NIPBL: variants seen among roughly 807,000 people sequenced by gnomAD.
NIPBL encodes the protein nipped-B-like protein.
NIPBL carries 19 observed loss-of-function variants against 321.8 expected under a neutral mutation model. That is an observed-to-expected ratio of 0.06 (90% confidence interval 0.04 to 0.09). The LOEUF is 0.09. NIPBL is among the 10% of genes least tolerant of loss of function. The probability of loss-of-function intolerance (pLI) is 1.00; values close to 1 mark genes in which losing one functional copy is unlikely to be tolerated. For synonymous variants in NIPBL, 1,106 were observed against 1,114.1 expected (o/e 0.99, Z 0.14); for missense variants, 2,210 against 3,327.0 (o/e 0.66, Z 8.26).
chr5:36,904,792 C>T (rs1747501125), intron 1 of NIPBL, among the ~76,000 whole-genome samples: 1 of 152,146 alleles, frequency 6.6e-6, no homozygotes. Context: ...CACCTTAAAG[C>T]AGCTCACAAC....
At chr5:36,983,840 A>T (rs534252201) in intron 9 of NIPBL, among the ~76,000 whole-genome samples, 1 of 152,144 alleles carries the variant, frequency 6.6e-6, no homozygotes, top group African/African-American at 2.4e-5. Flanking sequence ...ATTTCATAAT[A>T]CTGTAAATTA....
At position 37,064,910 on chromosome 5, in the gene NIPBL, C is replaced by T; in HGVS notation, c.*18C>T. The T allele has an allele frequency of 6.2e-7, 1 of 1,613,588 alleles. No individual in the cohort carries two copies. Among genetic ancestry groups the T allele is most frequent in the Non-Finnish European group, 8.5e-7 (1 of 1,179,830 alleles). ...CCAGCTAATGAATTTGTACATGCAG[C>T]CAAATTTACAGGAATTTTTTTAAAA... On this transcript the variant is annotated 3_prime_UTR_variant, in exon 47 of 47. Transcript: ENST00000282516.
chr5:36,935,107 G>A (rs1434199900), intron 1 of NIPBL, among the ~76,000 whole-genome samples: 1 of 151,978 alleles, frequency 6.6e-6, no homozygotes, highest in Non-Finnish European at 1.5e-5. Context: ...CACAGCTTTG[G>A]TTAAATCTCA....
intron 21 of NIPBL, among the ~76,000 whole-genome samples, chr5:37,014,285 G>C (rs1156254977): frequency 6.6e-6 from 1 of 150,924 alleles, no homozygotes; most frequent in East Asian, 1.9e-4. Context: ...TTAAATTTCT[G>C]ATGAAGGCTT....
chr5:37,057,882 C>G (rs1754271224), intron 43 of NIPBL, among the ~76,000 whole-genome samples: 2 of 152,136 alleles, frequency 1.3e-5, no homozygotes, highest in African/African-American at 4.8e-5. Context: ...TATAAAAGTA[C>G]CTGGTGTAGC....
chr5:36,876,823 T>TGCGGGGGGGGGGGG lies in NIPBL; in HGVS notation c.-435_-434insGCGGGGGGGGGGGG. On this transcript the variant is annotated 5_prime_UTR_variant, in exon 1 of 47. Coordinates refer to ENST00000282516, the MANE Select transcript of NIPBL (RefSeq NM_133433.4). ...AGAGAGAGACACACACAGGGCTCCT[T>TGCGGGGGGGGGGGG]CCCCCCGCCCTCCCCCCCCTCCCTC... 2.8e-6 allele frequency: 1 copy of TGCGGGGGGGGGGGG among 352,496 alleles called. No homozygotes were observed. 21.8% of individuals were successfully genotyped at this position (352,496 alleles called of 1,614,324 possible).
rs300059 is a variant in NIPBL, at chr5:37,052,719, A to T, written c.7263+153A>T. ...CTTCTAAGTTATTTACAAAGTACACAGTCAGAAGTGAAGGGGAAATTTTGT... is the reference window on the plus strand; with the variant it reads ...CTTCTAAGTTATTTACAAAGTACACTGTCAGAAGTGAAGGGGAAATTTTGT... On this transcript the variant is annotated intron_variant, in intron 42 of 46. Coordinates refer to ENST00000282516, the MANE Select transcript of NIPBL (RefSeq NM_133433.4). Among the ~76,000 whole-genome samples, 6,185 of 151,138 alleles carry T rather than the reference A, an allele frequency of 0.041. 426 individuals carry two copies. Among genetic ancestry groups the T allele is most frequent in the African/African-American group, 0.14 (5,854 of 40,508 alleles).
chr5:37,061,381 A>C (rs570889411), intron 45 of NIPBL, among the ~76,000 whole-genome samples: 18 of 152,290 alleles, frequency 1.2e-4, no homozygotes, highest in Admixed American at 6.5e-4. Flanking sequence ...GGCCTGATAA[A>C]AAAATGGCGT....
At chr5:37,018,042 G>A (rs574698973) in intron 24 of NIPBL, among the ~76,000 whole-genome samples, 5 of 152,094 alleles carry the variant, frequency 3.3e-5, no homozygotes, top group Admixed American at 3.3e-4. Flanking sequence ...TTCCAAGTAT[G>A]ATCCCCTTGA....
chr5:36,993,743 A>G (rs575017731), intron 10 of NIPBL, among the ~76,000 whole-genome samples: 2 of 152,160 alleles, frequency 1.3e-5, no homozygotes, highest in East Asian at 1.9e-4. Flanking sequence ...TGAAGATTAT[A>G]ATGTTTCCAA....
rs1746068108 is a variant in NIPBL, at chr5:36,995,694, T to C, written c.3194T>C (p.Leu1065Pro). Reference protein sequence around the residue: ...LLAEIESTMPLCERVKMNKRK... With the variant: ...LLAEIESTMPPCERVKMNKRK... ...GCAGAAATTGAGTCCACCATGCCAC[T>C]TTGTGAACGTGTGAAAATGAACAAA... The change falls in exon 11 of 47, where the codon CTT becomes CCT. Residue 1065 changes from leucine (L) to proline (P), a missense_variant. Leu to Pro is a moderately conservative substitution (Grantham distance 98). Transcript: ENST00000282516. 6.2e-7 allele frequency: 1 copy of C among 1,613,714 alleles called. No individual in the cohort carries two copies. Among genetic ancestry groups the C allele is most frequent in the African/African-American group, 1.3e-5 (1 of 74,910 alleles).
At position 36,955,560 on chromosome 5, in the gene NIPBL, C is replaced by T. The variant is rs1265934818; in HGVS notation, c.153C>T (p.Asn51=). The T allele has an allele frequency of 1.2e-6, 2 of 1,613,994 alleles. No homozygotes were observed. Among genetic ancestry groups the T allele is most frequent in the South Asian group, 2.2e-5 (2 of 91,080 alleles). ...ATGCACGAATAGCAGAAGAGGTGAA[C>T]TGCCTTTTGGCTTGTAGGGATGACA... ...LFNARIAEEV[N]CLLACRDDNL... is the part of the protein sequence containing the mutation. Residue 51 remains asparagine (N), a synonymous_variant, in exon 3 of 47, where the codon AAC becomes AAT. Transcript: ENST00000282516.
intron 18 of NIPBL, 146 bp downstream of exon 18, chr5:37,007,620 A>C: frequency 1.7e-6 from 1 of 604,698 alleles, no homozygotes; most frequent in Non-Finnish European, 2.8e-6. Flanking sequence ...CGAAGAAATA[A>C]AACTTCAGGA....
intron 1 of NIPBL, among the ~76,000 whole-genome samples, chr5:36,948,620 T>TG (rs1739943639): frequency 6.6e-6 from 1 of 151,900 alleles, no homozygotes; most frequent in Non-Finnish European, 1.5e-5. Flanking sequence ...TAAGATTCAT[T>TG]TGCTAAAATG....
chr5:37,028,168 C>A (rs1274296506), intron 32 of NIPBL, among the ~76,000 whole-genome samples: 1 of 151,700 alleles, frequency 6.6e-6, no homozygotes, highest in African/African-American at 2.4e-5. Context: ...AAATGTTTAT[C>A]TCCCTATGAA....
chr5:37,051,617 CA>C, intron 40 of NIPBL, 161 bp from the exon 41 acceptor site: 1 of 621,956 alleles, frequency 1.6e-6, no homozygotes, highest in Non-Finnish European at 2.9e-6. Flanking sequence ...AGCTGAATCT[CA>C]AAAGATCTGT....
chr5:36,925,473 C>T (rs1749282880), intron 1 of NIPBL, among the ~76,000 whole-genome samples: 1 of 151,926 alleles, frequency 6.6e-6, no homozygotes, highest in Non-Finnish European at 1.5e-5. Flanking sequence ...ACCATGTTTG[C>T]CAGGTTGGTC....
At chr5:36,976,552 A>T in intron 9 of NIPBL, 150 bp downstream of exon 9, 1 of 738,310 alleles carries the variant, frequency 1.4e-6, no homozygotes, top group South Asian at 1.9e-5. Context: ...CTCATAATGC[A>T]GAAGTTAAAT....
At chr5:36,886,250 T>G in intron 1 of NIPBL, 1 of 665,390 alleles carries the variant, frequency 1.5e-6, no homozygotes, top group South Asian at 1.5e-5. Flanking sequence ...GAGTCAGAGC[T>G]GGCACAGACC....
Sources: allele counts gnomAD v4.1 joint callset (sites outside exome capture counted in the v4.1 genomes callset), GRCh38; gene constraint gnomAD v4.1.1; transcripts MANE v1.5; gene names NCBI Gene and HGNC (gene_info 2026-07-23, HGNC 2026-07-21).